C1orf21: variants seen among roughly 807,000 people sequenced by gnomAD.
C1orf21 encodes uncharacterized protein C1orf21.
A neutral mutation model predicts 18.7 loss-of-function variants in C1orf21; 3 were observed. That is an observed-to-expected ratio of 0.16 (90% CI 0.07 to 0.42). The LOEUF is 0.42. Among genes scored for constraint, C1orf21 ranks in the 10% least tolerant of loss-of-function variants. The pLI is 0.99. For missense variants in C1orf21, 104 were observed against 143.6 expected (o/e 0.72, Z 1.41); for synonymous variants, 41 against 46.4 (o/e 0.88, Z 0.47).
chr1:184,545,024 A>G (rs1255512171), intron 3 of C1orf21, among the ~76,000 whole-genome samples: 1 of 152,182 alleles, frequency 6.6e-6, no homozygotes, highest in East Asian at 1.9e-4. Flanking sequence ...TTATAACCAA[A>G]TCTTGGAAGT....
chr1:184,481,957 G>A (rs902840712), intron 2 of C1orf21, among the ~76,000 whole-genome samples: 5 of 152,116 alleles, frequency 3.3e-5, no homozygotes, highest in Admixed American at 2.0e-4. Context: ...AAATTAATTC[G>A]CAAGGAGAAG....
chr1:184,598,138 C>T (rs1659542208), intron 4 of C1orf21, among the ~76,000 whole-genome samples: 1 of 151,850 alleles, frequency 6.6e-6, no homozygotes, highest in African/African-American at 2.4e-5. Flanking sequence ...CATTCAGCTC[C>T]TAGTAACATT....
intron 4 of C1orf21, among the ~76,000 whole-genome samples, chr1:184,595,767 G>T (rs895553509): frequency 6.6e-6 from 1 of 152,186 alleles, no homozygotes; most frequent in African/African-American, 2.4e-5. Context: ...CCTGTCTGGT[G>T]CATCAAGCTT....
chr1:184,605,492 G>A (rs1293009370), intron 5 of C1orf21, among the ~76,000 whole-genome samples: 1 of 152,204 alleles, frequency 6.6e-6, no homozygotes, highest in East Asian at 1.9e-4. Flanking sequence ...GGAGACAGAA[G>A]CATACAAAGG....
intron 1 of C1orf21, among the ~76,000 whole-genome samples, chr1:184,391,785 G>T (rs1467865623): frequency 1.3e-5 from 2 of 151,370 alleles, no homozygotes; most frequent in Non-Finnish European, 2.9e-5. Flanking sequence ...CAATCTCACT[G>T]CAATCTCCAC....
intron 2 of C1orf21, among the ~76,000 whole-genome samples, chr1:184,480,836 C>CAGTAGATTAA (rs1657642625): frequency 1.2e-4 from 18 of 152,120 alleles, no homozygotes; most frequent in Admixed American, 1.2e-3. Flanking sequence ...CTGCGTGACT[C>CAGTAGATTAA]GCTTTCGTGC....
In C1orf21 at chr1:184,624,130, C is replaced by T. The variant is rs1659968114; in HGVS notation, c.*4574C>T. 1 of 152,610 alleles carries T rather than the reference C, an allele frequency of 6.6e-6. No homozygotes were observed. 9.5% of individuals were successfully genotyped at this position (152,610 alleles called of 1,614,324 possible). On this transcript the variant is annotated 3_prime_UTR_variant, in exon 6 of 6. Coordinates refer to ENST00000235307, the MANE Select transcript of C1orf21 (RefSeq NM_030806.4). ...TGTTGAAAGAAGGAAAGATGTCATT[C>T]AAGTATTTTTCAAATTCTTTTTATT... is the stretch of plus-strand genomic sequence containing the variant.
chr1:184,614,729 G>A (rs1414143730), intron 5 of C1orf21, among the ~76,000 whole-genome samples: 1 of 152,206 alleles, frequency 6.6e-6, no homozygotes, highest in African/African-American at 2.4e-5. Flanking sequence ...TCTGGGGATG[G>A]TGGGAGACAC....
At chr1:184,412,680 C>T (rs1656374075) in intron 1 of C1orf21, among the ~76,000 whole-genome samples, 2 of 152,082 alleles carry the variant, frequency 1.3e-5, no homozygotes, top group South Asian at 4.2e-4. Context: ...TGGTGGCACA[C>T]ACCTGTCATC....
At chr1:184,472,832 A>C (rs1657514337) in intron 1 of C1orf21, among the ~76,000 whole-genome samples, 1 of 152,226 alleles carries the variant, frequency 6.6e-6, no homozygotes, top group Non-Finnish European at 1.5e-5. Context: ...TTGTCACATG[A>C]AGTATTCTGG....
intron 1 of C1orf21, among the ~76,000 whole-genome samples, chr1:184,400,409 TGTATGTGTAG>T (rs1656131787): frequency 6.6e-6 from 1 of 152,178 alleles, no homozygotes; most frequent in African/African-American, 2.4e-5. Flanking sequence ...TGTGTTTGTA[TGTATGTGTAG>T]GTATGATATA....
At chr1:184,611,963 T>C (rs1487301178) in intron 5 of C1orf21, among the ~76,000 whole-genome samples, 1 of 152,120 alleles carries the variant, frequency 6.6e-6, no homozygotes, top group Non-Finnish European at 1.5e-5. Flanking sequence ...ACTGTGTCAT[T>C]TATCATGTAA....
At chr1:184,574,890 A>G (rs974031849) in intron 3 of C1orf21, among the ~76,000 whole-genome samples, 5 of 152,214 alleles carry the variant, frequency 3.3e-5, no homozygotes, top group Non-Finnish European at 7.3e-5. Context: ...TCCTGTCACT[A>G]TCCCGCATCC....
At chr1:184,473,942 C>G (rs1657532511) in intron 1 of C1orf21, among the ~76,000 whole-genome samples, 1 of 152,194 alleles carries the variant, frequency 6.6e-6, no homozygotes, top group South Asian at 2.1e-4. Flanking sequence ...AAACACATAT[C>G]TGTCACTTAG....
chr1:184,426,410 C>T (rs1012536446), intron 1 of C1orf21, among the ~76,000 whole-genome samples: 6 of 152,116 alleles, frequency 3.9e-5, no homozygotes, highest in Admixed American at 1.3e-4. Context: ...CTGCTTCAAA[C>T]CCTTCAGTAA....
chr1:184,533,243 C>T (rs1658496858), intron 3 of C1orf21, among the ~76,000 whole-genome samples: 1 of 152,080 alleles, frequency 6.6e-6, no homozygotes, highest in Admixed American at 6.5e-5. Flanking sequence ...CCCCTCCCAC[C>T]ACATCCTCTT....
chr1:184,504,508 T>G (rs1253022143), intron 2 of C1orf21, among the ~76,000 whole-genome samples: 1 of 152,224 alleles, frequency 6.6e-6, no homozygotes, highest in African/African-American at 2.4e-5. Flanking sequence ...AATGCTTCAT[T>G]CATTCGCTCA....
chr1:184,593,458 T>G (rs1240620923), intron 4 of C1orf21, among the ~76,000 whole-genome samples: 1 of 152,206 alleles, frequency 6.6e-6, no homozygotes, highest in Admixed American at 6.5e-5. Context: ...AGATGAGGCT[T>G]CTTCTTCCCC....
At chr1:184,424,585 G>A (rs1656602015) in intron 1 of C1orf21, among the ~76,000 whole-genome samples, 1 of 152,198 alleles carries the variant, frequency 6.6e-6, no homozygotes, top group Admixed American at 6.5e-5. Flanking sequence ...TGTGATGAGA[G>A]TTAATAAAGG....
Sources: allele counts gnomAD v4.1 joint callset (sites outside exome capture counted in the v4.1 genomes callset), GRCh38; gene constraint gnomAD v4.1.1; transcripts MANE v1.5; gene names NCBI Gene and HGNC (gene_info 2026-07-23, HGNC 2026-07-21).